The following RBFOX1 variants were observed in gnomAD, a reference collection of about 807,000 sequenced individuals.
RBFOX1 encodes the protein RNA binding fox-1 homolog 1.
RBFOX1 carries 8 observed loss-of-function variants against 57.7 expected under a neutral mutation model. That is an observed-to-expected ratio of 0.14 (90% CI 0.08 to 0.25). The LOEUF (loss-of-function observed/expected upper bound fraction) is 0.25, where lower values mean the gene tolerates loss of function less well. Ranked by LOEUF, RBFOX1 falls within the 10% of genes least tolerant of loss-of-function variation. The pLI is 1.00. For missense variants in RBFOX1, 611 were observed against 548.5 expected, an observed-to-expected ratio of 1.11 and a Z score of -1.14; for synonymous variants, 326 against 222.4, an observed-to-expected ratio of 1.47 and a Z score of -4.15.
chr16:6,708,049 C>G (rs988263103), intron 3 of RBFOX1, among the ~76,000 whole-genome samples: 1 of 152,142 alleles, frequency 6.6e-6, no homozygotes, highest in Admixed American at 6.5e-5. Context: ...TTTCCATCGT[C>G]TTTCCCCTGG....
In RBFOX1 at chr16:7,642,965, A is replaced by C. The variant is rs186939888; in HGVS notation, c.758-10850A>C. 1.2e-4 allele frequency among the ~76,000 whole-genome samples: 18 copies of C among 152,356 alleles called. No individual in the cohort carries two copies. In the East Asian group the frequency reaches 2.9e-3, roughly 24 times the overall value. ...AAATTGTCGATACCTGTGAGTAGGC[A>C]AATCACAAATACCTCTTCTGCATAG... On this transcript the variant is annotated intron_variant, in intron 11 of 15. Coordinates refer to ENST00000550418, the MANE Select transcript of RBFOX1 (RefSeq NM_018723.4).
intron 2 of RBFOX1, among the ~76,000 whole-genome samples, chr16:6,434,775 A>AT (rs980248410): frequency 6.6e-6 from 1 of 152,148 alleles, no homozygotes; most frequent in African/African-American, 2.4e-5. Flanking sequence ...TATTTTATAT[A>AT]TTTTTTAGAG....
At chr16:5,854,701 G>A (rs918402068) in intron 3 of RBFOX1, among the ~76,000 whole-genome samples, 3 of 152,106 alleles carry the variant, frequency 2.0e-5, no homozygotes, top group African/African-American at 7.2e-5. Context: ...GAACATGGGG[G>A]TGCACATATC....
intron 3 of RBFOX1, among the ~76,000 whole-genome samples, chr16:5,663,256 G>A (rs894204390): frequency 6.6e-6 from 1 of 152,120 alleles, no homozygotes; most frequent in African/African-American, 2.4e-5. Context: ...TGTCACCCGG[G>A]CTGGAGTGCA....
intron 1 of RBFOX1, among the ~76,000 whole-genome samples, chr16:6,279,691 A>G (rs1179504504): frequency 6.6e-6 from 1 of 152,156 alleles, no homozygotes; most frequent in Non-Finnish European, 1.5e-5. Flanking sequence ...TGTATATTTG[A>G]TCTTTACTGA....
chr16:7,681,880 A>G (rs1310244017), intron 14 of RBFOX1, among the ~76,000 whole-genome samples: 3 of 152,148 alleles, frequency 2.0e-5, no homozygotes, highest in African/African-American at 7.2e-5. Context: ...ATTTCTAGCT[A>G]AACAGCAGTA....
chr16:6,780,158 TA>T lies in RBFOX1; in HGVS notation c.-16+125509del, dbSNP rs1567213613. ...ATATATTTATATATATTTATATATA[TA>T]TTTATATATTTTTATATATTTATAT... is the stretch of plus-strand genomic sequence containing the variant. On this transcript the variant is annotated intron_variant, in intron 3 of 15. Coordinates refer to ENST00000550418, the MANE Select transcript of RBFOX1 (RefSeq NM_018723.4). 3.3e-4 allele frequency among the ~76,000 whole-genome samples: 14 copies of T among 42,250 alleles called. 2 individuals carry two copies. The highest frequency in any genetic ancestry group is 2.3e-3 in the African/African-American group (13 of 5,748). 27.7% of individuals were successfully genotyped at this position (42,250 alleles called of 152,430 possible).
At chr16:6,829,047 G>A (rs915723682) in intron 3 of RBFOX1, among the ~76,000 whole-genome samples, 4 of 152,078 alleles carry the variant, frequency 2.6e-5, no homozygotes, top group African/African-American at 9.7e-5. Flanking sequence ...GGTGTCAAGA[G>A]CCTGGACACC....
chr16:7,691,892 G>A (rs777138571), intron 14 of RBFOX1, among the ~76,000 whole-genome samples: 3 of 152,116 alleles, frequency 2.0e-5, no homozygotes, highest in Non-Finnish European at 4.4e-5. Context: ...CTTGCTTACG[G>A]TAGCATTCTT....
chr16:6,722,992 A>G (rs973210710), intron 3 of RBFOX1, among the ~76,000 whole-genome samples: 3 of 152,158 alleles, frequency 2.0e-5, no homozygotes, highest in East Asian at 1.9e-4. Flanking sequence ...ACACTTTATC[A>G]GTCACCTCCT....
intron 2 of RBFOX1, among the ~76,000 whole-genome samples, chr16:6,492,443 C>G (rs1273152568): frequency 1.3e-5 from 2 of 152,138 alleles, no homozygotes. Flanking sequence ...TGGCAGGTGC[C>G]TGTTAGTCCC....
intron 2 of RBFOX1, among the ~76,000 whole-genome samples, chr16:6,369,705 C>T (rs1467485096): frequency 2.6e-5 from 4 of 152,160 alleles, no homozygotes; most frequent in Admixed American, 6.5e-5. Context: ...TTTTCTACAC[C>T]TTCTATGTAC....
chr16:7,485,271 T>G (rs959486060), intron 4 of RBFOX1, among the ~76,000 whole-genome samples: 1 of 152,232 alleles, frequency 6.6e-6, no homozygotes, highest in African/African-American at 2.4e-5. Context: ...CGCGTGTTGC[T>G]TTTCCCTCAT....
At chr16:6,357,612 G>GCTCT (rs146259757) in intron 2 of RBFOX1, among the ~76,000 whole-genome samples, 7,180 of 150,904 alleles carry the variant, frequency 0.048, 214 homozygotes, top group Non-Finnish European at 0.071. Context: ...TCCCGCTTGT[G>GCTCT]CTCTCTCTCT....
chr16:5,692,876 G>A (rs973856246), intron 3 of RBFOX1, among the ~76,000 whole-genome samples: 1 of 152,306 alleles, frequency 6.6e-6, no homozygotes, highest in Admixed American at 6.5e-5. Flanking sequence ...GAACAAAGAG[G>A]TATCAAAGGT....
At chr16:7,410,472 G>A (rs1419415114) in intron 4 of RBFOX1, among the ~76,000 whole-genome samples, 1 of 152,136 alleles carries the variant, frequency 6.6e-6, no homozygotes, top group Non-Finnish European at 1.5e-5. Flanking sequence ...ACATGAGGTT[G>A]GGAGTTCGAG....
chr16:7,400,076 A>G (rs926868307), intron 4 of RBFOX1, among the ~76,000 whole-genome samples: 1 of 152,180 alleles, frequency 6.6e-6, no homozygotes, highest in African/African-American at 2.4e-5. Context: ...CAGGAGGGGA[A>G]GACCATTTTT....
intron 4 of RBFOX1, among the ~76,000 whole-genome samples, chr16:5,943,132 C>G (rs1426999773): frequency 6.6e-6 from 1 of 152,218 alleles, no homozygotes; most frequent in African/African-American, 2.4e-5. Flanking sequence ...CCCAGACACA[C>G]ATCCCTAACA....
chr16:5,460,933 G>A (rs1021432213), intron 1 of RBFOX1, among the ~76,000 whole-genome samples: 29 of 152,174 alleles, frequency 1.9e-4, no homozygotes, highest in African/African-American at 7.0e-4. Context: ...CAGGAAGGGG[G>A]GTGGGTGGTG....
Sources: allele counts gnomAD v4.1 joint callset (sites outside exome capture counted in the v4.1 genomes callset), GRCh38; gene constraint gnomAD v4.1.1; transcripts MANE v1.5; gene names NCBI Gene and HGNC (gene_info 2026-07-23, HGNC 2026-07-21).